The following TXNIP variants were observed in gnomAD, a reference collection of about 807,000 sequenced individuals.
TXNIP encodes thioredoxin-interacting protein.
TXNIP carries 23 observed loss-of-function variants against 43.9 expected under a neutral mutation model. That is an observed-to-expected ratio of 0.52 (90% CI 0.38 to 0.74). The LOEUF (loss-of-function observed/expected upper bound fraction) is 0.74, where lower values mean the gene tolerates loss of function less well. Ranked by LOEUF, TXNIP falls within the 30% of genes least tolerant of loss-of-function variation. The pLI, the probability that TXNIP is intolerant of heterozygous loss-of-function variation, is 0.00. For synonymous variants in TXNIP, 234 were observed against 172.2 expected (o/e 1.36, Z -2.81); for missense variants, 555 against 485.4 (o/e 1.14, Z -1.35).
In TXNIP at chr1:145,996,074, G is replaced by C; in HGVS notation, c.193C>G (p.Gln65Glu). 1 of 1,614,112 alleles carries C rather than the reference G, an allele frequency of 6.2e-7. No homozygotes were observed. Among genetic ancestry groups the C allele is most frequent in the Non-Finnish European group, 8.5e-7 (1 of 1,180,024 alleles). The change falls in exon 1 of 8, where the codon CAG becomes GAG. Residue 65 changes from glutamine (Q) to glutamate (E), a missense_variant. Physicochemically the swap from Gln to Glu is conservative, Grantham distance 29 (BLOSUM62 2). Transcript: ENST00000582401. ...LWMQGSQQCK[Q>E]TSEYLRYEDT... is the part of the protein sequence containing the mutation. ...TCATAGCGCAGGTACTCCGAAGTCT[G>C]TTTGCACTGCTGGGATCCCTGCATC...
chr1:145,996,557 T>C lies in TXNIP; in HGVS notation c.-291A>G, dbSNP rs587698544. On this transcript the variant is annotated 5_prime_UTR_variant, in exon 1 of 8. Transcript: ENST00000582401. ...GATCCGATCTCCACAAGCACTCCTTTGGAGAAAAAGAGGGGTTAGTTTCAA... is the reference window on the plus strand; with the variant it reads ...GATCCGATCTCCACAAGCACTCCTTCGGAGAAAAAGAGGGGTTAGTTTCAA... 19 of 289,094 alleles carry C rather than the reference T, an allele frequency of 6.6e-5. No individual in the cohort carries two copies. The highest frequency in any genetic ancestry group is 2.0e-4 in the Admixed American group (4 of 19,866). The allele number at this position is 289,094 out of a possible 1,614,324, so 17.9% of individuals were successfully genotyped here.
Position 145,994,653 on chromosome 1 carries a change from T to A in TXNIP, c.722A>T (p.His241Leu). Reference sequence around the variant, plus strand: ...TGATGCGCATGTCCCTGAGATAATATGATTGCCTCTGACTGATGACAACTT... The same window carrying A: ...TGATGCGCATGTCCCTGAGATAATAAGATTGCCTCTGACTGATGACAACTT... Reference protein sequence around the residue: ...TQKLSSVRGNHIISGTCASWR... With the variant: ...TQKLSSVRGNLIISGTCASWR... Residue 241 changes from histidine (H) to leucine (L), a missense_variant, in exon 5 of 8, where the codon CAT becomes CTT. Coordinates refer to ENST00000582401, the MANE Select transcript of TXNIP (RefSeq NM_006472.6). 6.2e-7 allele frequency: 1 copy of A among 1,614,224 alleles called. No homozygotes were observed. The highest frequency in any genetic ancestry group is 8.5e-7 in the Non-Finnish European group (1 of 1,180,042).
Position 145,994,163 on chromosome 1 carries a change from A to T in TXNIP, c.993T>A (p.Pro331=). 1 of 1,614,004 alleles carries T rather than the reference A, an allele frequency of 6.2e-7. No homozygotes were observed. Among genetic ancestry groups the T allele is most frequent in the Non-Finnish European group, 8.5e-7 (1 of 1,179,972 alleles). The change falls in exon 7 of 8, where the codon CCT becomes CCA. Residue 331 remains proline, a synonymous_variant. Transcript: ENST00000582401. ...CAGGAATGACATCCATATAGCAGGG[A>T]GGAGCTAGAAAAGAAAATATGGCCA... ...DLNIPDTPEA[P]PCYMDVIPED...
At position 145,994,535 on chromosome 1, in the gene TXNIP, T is replaced by A. The variant is rs587759495; in HGVS notation, c.831+9A>T. The A allele has an allele frequency of 6.2e-7, 1 of 1,614,118 alleles. No individual in the cohort carries two copies. Among genetic ancestry groups the A allele is most frequent in the South Asian group, 1.1e-5 (1 of 91,066 alleles). On this transcript the variant is annotated intron_variant, in intron 5 of 7. Transcript: ENST00000582401. ...ATTTCTCTGCTGAAGCCACCCTGCATCTACCCACCAGTAAGGAATATTCAA... is the reference window on the plus strand; with the variant it reads ...ATTTCTCTGCTGAAGCCACCCTGCAACTACCCACCAGTAAGGAATATTCAA...
rs1651500331 is a variant in TXNIP at position 145,996,020 on chromosome 1, T to C, written c.247A>G (p.Thr83Ala). 6.2e-7 allele frequency: 1 copy of C among 1,613,292 alleles called. No individual in the cohort carries two copies. Among genetic ancestry groups the C allele is most frequent in the South Asian group, 1.1e-5 (1 of 91,048 alleles). ...EDTLLLEDQP[T>A]GENEMVIMRP... is the part of the protein sequence containing the mutation. Reference sequence around the variant, plus strand: ...AACAATGAATTGGGCCGCTTACCTGTTGGCTGGTCTTCCAGAAGAAGCGTG... The same window carrying C: ...AACAATGAATTGGGCCGCTTACCTGCTGGCTGGTCTTCCAGAAGAAGCGTG... Residue 83 changes from threonine (T) to alanine (A), a missense_variant, in exon 1 of 8, where the codon ACA (threonine) becomes GCA (alanine). Transcript: ENST00000582401.
Position 145,996,045 on chromosome 1 carries a change from G to C in TXNIP, c.222C>G (p.Asp74Glu). Reference protein sequence around the residue: ...KQTSEYLRYEDTLLLEDQPTG... With the variant: ...KQTSEYLRYEETLLLEDQPTG... ...TTGGCTGGTCTTCCAGAAGAAGCGT[G>C]TCTTCATAGCGCAGGTACTCCGAAG... The change falls in exon 1 of 8, where the codon GAC becomes GAG. Residue 74 changes from aspartate to glutamate, a missense_variant. Physicochemically the swap from Asp to Glu is conservative, Grantham distance 45. Coordinates refer to ENST00000582401, the MANE Select transcript of TXNIP (RefSeq NM_006472.6). The C allele has an allele frequency of 6.2e-7, 1 of 1,613,942 alleles. No homozygotes were observed. Among genetic ancestry groups the C allele is most frequent in the Non-Finnish European group, 8.5e-7 (1 of 1,180,008 alleles).
In TXNIP at chr1:145,993,328, T is replaced by C. The variant is rs1651269188; in HGVS notation, c.*523A>G. The C allele has an allele frequency of 6.5e-6, 1 of 154,186 alleles. No individual in the cohort carries two copies. Among genetic ancestry groups the C allele is most frequent in the African/African-American group, 2.4e-5 (1 of 41,450 alleles). 9.6% of individuals were successfully genotyped at this position (154,186 alleles called of 1,614,324 possible). ...ATCAGCTCTAGAAGGTTTTTCTTTTTTTTCTACAAGTGCACAAAGGGGAAA... is the reference window on the plus strand; with the variant it reads ...ATCAGCTCTAGAAGGTTTTTCTTTTCTTTCTACAAGTGCACAAAGGGGAAA... On this transcript the variant is annotated 3_prime_UTR_variant, in exon 8 of 8. Transcript: ENST00000582401.
intron 1 of TXNIP, 34 bp from the exon 2 acceptor site, chr1:145,995,510 T>A: frequency 6.2e-7 from 1 of 1,601,842 alleles, no homozygotes. Context: ...GCCATTAGGC[T>A]TGCTGTTACA....
rs1245639109 is a variant in TXNIP, at chr1:145,996,543, C to T, written c.-277G>A. 2.1e-5 allele frequency: 7 copies of T among 331,314 alleles called. No individual in the cohort carries two copies. Among genetic ancestry groups the T allele is most frequent in the Non-Finnish European group, 3.4e-5 (6 of 176,924 alleles). The allele number at this position is 331,314 out of a possible 1,614,324, so 20.5% of individuals were successfully genotyped here. On this transcript the variant is annotated 5_prime_UTR_variant, in exon 1 of 8. Coordinates refer to ENST00000582401, the MANE Select transcript of TXNIP (RefSeq NM_006472.6). ...ATTGCTGGAGAAAAGATCCGATCTC[C>T]ACAAGCACTCCTTTGGAGAAAAAGA...
At position 145,996,057 on chromosome 1, in the gene TXNIP, C is replaced by A; in HGVS notation, c.210G>T (p.Leu70=). The A allele has an allele frequency of 1.2e-6, 2 of 1,614,052 alleles. No homozygotes were observed. Among genetic ancestry groups the A allele is most frequent in the Non-Finnish European group, 1.7e-6 (2 of 1,180,028 alleles). Residue 70 remains leucine (L), a synonymous_variant, in exon 1 of 8, where the codon CTG becomes CTT. Transcript: ENST00000582401. ...CCAGAAGAAGCGTGTCTTCATAGCG[C>A]AGGTACTCCGAAGTCTGTTTGCACT... is the stretch of plus-strand genomic sequence containing the variant. ...SQQCKQTSEY[L]RYEDTLLLED... is the part of the protein sequence containing the mutation.
chr1:145,993,906 AT>A lies in TXNIP; in HGVS notation c.1141-21del. 6.2e-7 allele frequency: 1 copy of A among 1,614,208 alleles called. No homozygotes were observed. Among genetic ancestry groups the A allele is most frequent in the Non-Finnish European group, 8.5e-7 (1 of 1,180,024 alleles). ...ATCCACCTAAAGAAAGAAACAGACTATTTCAGTTCAGGTAAGAACAAAAAGA... is the reference window on the plus strand; with the variant it reads ...ATCCACCTAAAGAAAGAAACAGACTATTCAGTTCAGGTAAGAACAAAAAGA... On this transcript the variant is annotated intron_variant, in intron 7 of 7. Transcript: ENST00000582401.
intron 1 of TXNIP, 31 bp from the exon 2 acceptor site, chr1:145,995,507 G>C: frequency 6.2e-7 from 1 of 1,607,600 alleles, no homozygotes; most frequent in Non-Finnish European, 8.5e-7. Flanking sequence ...GTAGCCATTA[G>C]GCTTGCTGTT....
In TXNIP at chr1:145,996,201, G is replaced by A. The variant is rs1651520084; in HGVS notation, c.66C>T (p.Gly22=). The A allele has an allele frequency of 6.2e-7, 1 of 1,613,974 alleles. No individual in the cohort carries two copies. Among genetic ancestry groups the A allele is most frequent in the Non-Finnish European group, 8.5e-7 (1 of 1,179,994 alleles). ...VVFNDPEKVY[G]SGEKVAGRVI... is the part of the protein sequence containing the mutation. ...CCCGGCCAGCCACCTTCTCGCCACT[G>A]CCGTACACCTTTTCAGGGTCGTTAA... Residue 22 remains glycine, a synonymous_variant, in exon 1 of 8, where the codon GGC becomes GGT. Coordinates refer to ENST00000582401, the MANE Select transcript of TXNIP (RefSeq NM_006472.6).
chr1:145,994,752 A>G lies in TXNIP; in HGVS notation c.623T>C (p.Ile208Thr), dbSNP rs2101961689. ...HADFENTCSRIVVPKAAIVAR... is the reference protein window; with the variant it reads ...HADFENTCSRTVVPKAAIVAR... The stretch of plus-strand genomic sequence containing the variant: ...CACAATGGCAGCTTTGGGGACCACA[A>G]TTCGGGAACATGTATTCTCAAAGTC... The change falls in exon 5 of 8, where the codon ATT (isoleucine) becomes ACT (threonine). Residue 208 changes from isoleucine (I) to threonine (T), a missense_variant. Ile to Thr is a moderately conservative substitution (Grantham distance 89). Coordinates refer to ENST00000582401, the MANE Select transcript of TXNIP (RefSeq NM_006472.6). 7 of 1,614,238 alleles carry G rather than the reference A, an allele frequency of 4.3e-6. No homozygotes were observed. Among genetic ancestry groups the G allele is most frequent in the Non-Finnish European group, 5.9e-6 (7 of 1,180,036 alleles).
rs1248021734 is a variant in TXNIP, at chr1:145,996,519, T to C, written c.-253A>G. 1.1e-5 allele frequency: 4 copies of C among 373,886 alleles called. No individual in the cohort carries two copies. The highest frequency in any genetic ancestry group is 8.4e-5 in the South Asian group (3 of 35,922). The allele number at this position is 373,886 out of a possible 1,614,324, so 23.2% of individuals were successfully genotyped here. ...AGAGAAAAAGCCTTCTTTCCCCCAA[T>C]TGCTGGAGAAAAGATCCGATCTCCA... On this transcript the variant is annotated 5_prime_UTR_variant, in exon 1 of 8. Transcript: ENST00000582401.
intron 7 of TXNIP, 37 bp from the exon 8 acceptor site, chr1:145,993,923 A>ACTT (rs1553765810): frequency 6.2e-7 from 1 of 1,614,016 alleles, no homozygotes; most frequent in South Asian, 1.1e-5. Context: ...TTCAGGTAAG[A>ACTT]ACAAAAAGAA....
rs1017260229 is a variant in TXNIP at position 145,993,921 on chromosome 1, A to C, written c.1141-35T>G. The C allele has an allele frequency of 4.3e-6, 7 of 1,613,890 alleles. No homozygotes were observed. The Admixed American group carries it at 8.3e-5, about 19-fold the overall frequency. On this transcript the variant is annotated intron_variant, in intron 7 of 7. Coordinates refer to ENST00000582401, the MANE Select transcript of TXNIP (RefSeq NM_006472.6). ...GAAACAGACTATTTCAGTTCAGGTAAGAACAAAAAGAACAAACCAGTTTAG... is the reference window on the plus strand; with the variant it reads ...GAAACAGACTATTTCAGTTCAGGTACGAACAAAAAGAACAAACCAGTTTAG...
At chr1:145,995,572 G>T (rs782597548) in intron 1 of TXNIP, 96 bp from the exon 2 acceptor site, 1 of 1,069,378 alleles carries the variant, frequency 9.4e-7, no homozygotes, top group Non-Finnish European at 1.5e-6. Context: ...GCAAGGTATT[G>T]AAGTACCCCC....
At position 145,996,382 on chromosome 1, in the gene TXNIP, T is replaced by C. The variant is rs1651536843; in HGVS notation, c.-116A>G. Reference sequence around the variant, plus strand: ...TCACTTTAAGGAATTAAGGTATTCTTAAGCAGTTTGAGCTTAAAAATAAAA... The same window carrying C: ...TCACTTTAAGGAATTAAGGTATTCTCAAGCAGTTTGAGCTTAAAAATAAAA... On this transcript the variant is annotated 5_prime_UTR_variant, in exon 1 of 8. Coordinates refer to ENST00000582401, the MANE Select transcript of TXNIP (RefSeq NM_006472.6). The C allele has an allele frequency of 2.4e-6, 3 of 1,270,728 alleles. No individual in the cohort carries two copies. The highest frequency in any genetic ancestry group is 3.3e-6 in the Non-Finnish European group (3 of 915,116). 78.7% of individuals were successfully genotyped at this position (1,270,728 alleles called of 1,614,324 possible).
Sources: gnomAD v4.1 joint callset for allele counts on GRCh38, gnomAD v4.1.1 for gene constraint, MANE v1.5 for transcripts, NCBI Gene and HGNC (gene_info 2026-07-23, HGNC 2026-07-21) for gene names.